MICAL3: variants seen among roughly 807,000 people sequenced by gnomAD.
MICAL3 encodes [F-actin]-monooxygenase MICAL3.
MICAL3 carries 62 observed loss-of-function variants against 207.4 expected under a neutral mutation model. The observed-to-expected ratio is 0.30, with a 90% confidence interval of 0.24 to 0.37. The LOEUF is 0.37. MICAL3 is among the 10% of genes least tolerant of loss of function. The pLI, the probability that MICAL3 is intolerant of heterozygous loss-of-function variation, is 1.00. For missense variants in MICAL3, 2,368 were observed against 2,635.6 expected (o/e 0.90, Z 2.22); for synonymous variants, 1,077 against 1,069.3 (o/e 1.01, Z -0.14).
chr22:17,898,703 A>G (rs1931078062), intron 7 of MICAL3, among the ~76,000 whole-genome samples: 2 of 152,228 alleles, frequency 1.3e-5, no homozygotes, highest in Admixed American at 6.5e-5. Context: ...CAGTGAGACC[A>G]GGAAAGACTT....
intron 1 of MICAL3, among the ~76,000 whole-genome samples, chr22:17,999,458 A>C (rs1922681309): frequency 6.6e-6 from 1 of 152,212 alleles, no homozygotes; most frequent in Non-Finnish European, 1.5e-5. Flanking sequence ...ATGCAACCAA[A>C]ACTGCATCCA....
At chr22:17,985,456 T>C (rs2146449071) in intron 1 of MICAL3, among the ~76,000 whole-genome samples, 1 of 152,180 alleles carries the variant, frequency 6.6e-6, no homozygotes, top group East Asian at 1.9e-4. Flanking sequence ...TCCACAAAAC[T>C]ACAAGGTCCG....
chr22:17,956,521 TAGCC>T (rs1373089904), intron 1 of MICAL3, among the ~76,000 whole-genome samples: 1 of 151,970 alleles, frequency 6.6e-6, no homozygotes, highest in African/African-American at 2.4e-5. Context: ...AATACAAAAT[TAGCC>T]AGGTGTGGTG....
At chr22:17,984,750 C>CT (rs1342763420) in intron 1 of MICAL3, among the ~76,000 whole-genome samples, 1 of 152,186 alleles carries the variant, frequency 6.6e-6, no homozygotes, top group Non-Finnish European at 1.5e-5. Context: ...AGGTGTTATG[C>CT]TATGCATTTT....
rs1474439815 is a variant in MICAL3, at chr22:17,794,698, C to T, written c.5651-3397G>A. The stretch of plus-strand genomic sequence containing the variant: ...GGCTGTCACACTCTGGATTGTGAGA[C>T]CAAAGGGGTGAGCTGACAGGACACG... On this transcript the variant is annotated intron_variant, in intron 29 of 31. Transcript: ENST00000441493. Among the ~76,000 whole-genome samples the T allele has an allele frequency of 4.6e-5, 7 of 152,148 alleles. No homozygotes were observed. In the South Asian group the frequency reaches 1.2e-3, roughly 27 times the overall value.
intron 1 of MICAL3, among the ~76,000 whole-genome samples, chr22:17,991,997 T>C (rs73151082): frequency 0.044 from 6,655 of 152,246 alleles, 219 homozygotes; most frequent in Non-Finnish European, 0.064. Context: ...GCCCAGAGCA[T>C]GGATGAGGCG....
chr22:17,948,804 T>C (rs897292490), intron 1 of MICAL3, among the ~76,000 whole-genome samples: 8 of 151,256 alleles, frequency 5.3e-5, no homozygotes, highest in African/African-American at 1.9e-4. Context: ...TCCCAGCTAC[T>C]TGGGAGGCTG....
At chr22:17,798,041 A>G (rs565224953) in intron 29 of MICAL3, among the ~76,000 whole-genome samples, 1 of 152,290 alleles carries the variant, frequency 6.6e-6, no homozygotes, top group South Asian at 2.1e-4. Context: ...AATGAGGGAG[A>G]CTTCTAGAGC....
At chr22:17,804,331 G>A (rs1407549828) in intron 29 of MICAL3, among the ~76,000 whole-genome samples, 1 of 152,180 alleles carries the variant, frequency 6.6e-6, no homozygotes, top group Non-Finnish European at 1.5e-5. Context: ...GAAATCCTTA[G>A]GTTTCGTGCA....
chr22:17,821,238 C>A (rs1377136822), intron 25 of MICAL3, among the ~76,000 whole-genome samples, 189 bp downstream of exon 25: 1 of 151,972 alleles, frequency 6.6e-6, no homozygotes, highest in Non-Finnish European at 1.5e-5. Context: ...CCACTCCTGT[C>A]ATCAACAGCT....
intron 1 of MICAL3, among the ~76,000 whole-genome samples, chr22:17,957,679 C>T (rs1298947800): frequency 7.3e-6 from 1 of 136,714 alleles, no homozygotes; most frequent in Non-Finnish European, 1.5e-5. Context: ...CACTGCACTC[C>T]AACCTGGGCG....
At chr22:17,820,351 C>T (rs775854177) in intron 25 of MICAL3, among the ~76,000 whole-genome samples, 3 of 152,112 alleles carry the variant, frequency 2.0e-5, no homozygotes, top group Non-Finnish European at 2.9e-5. Flanking sequence ...TCTGCATGGA[C>T]GCTGTAAATT....
chr22:17,933,063 G>A (rs962193904), intron 1 of MICAL3, among the ~76,000 whole-genome samples: 9 of 152,144 alleles, frequency 5.9e-5, no homozygotes, highest in Non-Finnish European at 8.8e-5. Flanking sequence ...ACAGATCAAC[G>A]AGACAGAAGG....
intron 16 of MICAL3, among the ~76,000 whole-genome samples, chr22:17,876,222 C>G (rs1928321356): frequency 6.6e-6 from 1 of 152,210 alleles, no homozygotes; most frequent in Non-Finnish European, 1.5e-5. Context: ...GCCGTGGGCC[C>G]ATGCAGCTAG....
chr22:17,899,453 G>T lies in MICAL3; in HGVS notation c.943C>A (p.Leu315Ile). ...KQSLLDKGVI[L>I]HDYADTELLL... ...GAAGGAAATCCGTGGCTCACATGTA[G>T]TATCACTCCTTTGTCCAGCAAACTC... The change falls in exon 7 of 32, where the codon CTA becomes ATA. Residue 315 changes from leucine to isoleucine, a missense_variant. By Grantham distance (5) the Leu-to-Ile change is conservative (BLOSUM62 2). This residue lies in a region of MICAL3 where 400 missense variants were observed against 547.0 expected (regional missense o/e 0.73). Coordinates refer to ENST00000441493, the MANE Select transcript of MICAL3 (RefSeq NM_015241.3). 1 of 1,596,152 alleles carries T rather than the reference G, an allele frequency of 6.3e-7. No homozygotes were observed.
chr22:17,993,961 G>C (rs1177566515), intron 1 of MICAL3, among the ~76,000 whole-genome samples: 1 of 152,094 alleles, frequency 6.6e-6, no homozygotes, highest in Non-Finnish European at 1.5e-5. Context: ...ACTTGTTTTA[G>C]CCCTCTGTGC....
chr22:17,980,200 C>T, intron 1 of MICAL3, among the ~76,000 whole-genome samples: 1 of 152,140 alleles, frequency 6.6e-6, no homozygotes, highest in East Asian at 1.9e-4. Context: ...ATGTAGCCCT[C>T]TCTAGCAGTC....
At chr22:18,010,505 G>A (rs538098475) in intron 1 of MICAL3, among the ~76,000 whole-genome samples, 1 of 152,284 alleles carries the variant, frequency 6.6e-6, no homozygotes, top group Admixed American at 6.5e-5. Context: ...CTCAGACTGA[G>A]AAGCCTTCCA....
intron 29 of MICAL3, chr22:17,803,922 T>A (rs2061964180): frequency 2.6e-6 from 2 of 761,776 alleles, no homozygotes; most frequent in Admixed American, 1.3e-4. Context: ...TGTCCCCCCA[T>A]ACCCAATCAA....
Sources: allele counts gnomAD v4.1 joint callset (sites outside exome capture counted in the v4.1 genomes callset), GRCh38; gene constraint gnomAD v4.1.1; regional missense constraint gnomAD v4.1.1; transcripts MANE v1.5; gene names NCBI Gene and HGNC (gene_info 2026-07-23, HGNC 2026-07-21).